SCAI: variants seen among roughly 807,000 people sequenced by gnomAD.
The protein encoded by SCAI is protein SCAI.
A neutral mutation model predicts 92.2 loss-of-function variants in SCAI; 24 were observed. The ratio of observed to expected loss-of-function variants is 0.26; its 90% CI spans 0.19 to 0.37. The LOEUF (loss-of-function observed/expected upper bound fraction) is 0.37, where lower values mean the gene tolerates loss of function less well. SCAI is among the 10% of genes least tolerant of loss of function. SCAI has a pLI of 1.00. For synonymous variants in SCAI, 261 were observed against 258.6 expected (o/e 1.01, Z -0.09); for missense variants, 450 against 736.2 (o/e 0.61, Z 4.50).
At chr9:125,109,166 C>T (rs922529155) in intron 2 of SCAI, among the ~76,000 whole-genome samples, 7 of 152,202 alleles carry the variant, frequency 4.6e-5, no homozygotes, top group African/African-American at 1.7e-4. Flanking sequence ...GCAGCATGCT[C>T]GTTAAGAGTC....
In SCAI at chr9:125,028,069, C is replaced by T. The variant is rs554314742; in HGVS notation, c.413+323G>A. ...ATATACAAGTTATAATACAATGCTA[C>T]ACATTATTAAGACAAGTGAAGCTGC... is the stretch of plus-strand genomic sequence containing the variant. On this transcript the variant is annotated intron_variant, in intron 5 of 17. Coordinates refer to ENST00000336505, the MANE Select transcript of SCAI (RefSeq NM_001144877.3). 3.9e-5 allele frequency among the ~76,000 whole-genome samples: 6 copies of T among 152,308 alleles called. No individual in the cohort carries two copies. The South Asian group carries it at 6.2e-4, about 16-fold the overall frequency.
intron 2 of SCAI, among the ~76,000 whole-genome samples, chr9:125,140,119 G>A (rs1835631243): frequency 1.3e-5 from 2 of 152,166 alleles, no homozygotes; most frequent in Non-Finnish European, 2.9e-5. Context: ...TACTTGGGAG[G>A]CTGAGGTGGA....
chr9:125,024,571 G>A (rs532775671), intron 6 of SCAI, among the ~76,000 whole-genome samples: 8 of 152,158 alleles, frequency 5.3e-5, no homozygotes, highest in African/African-American at 1.4e-4. Flanking sequence ...CACTGTACCC[G>A]GCCATTTTTT....
At chr9:125,015,235 A>C (rs547166876) in intron 9 of SCAI, among the ~76,000 whole-genome samples, 12 of 152,298 alleles carry the variant, frequency 7.9e-5, no homozygotes, top group Middle Eastern at 3.4e-3. Flanking sequence ...TACCATCAGA[A>C]TGAACAGGCA....
chr9:125,015,652 C>T (rs1832742509), intron 9 of SCAI, among the ~76,000 whole-genome samples: 1 of 152,084 alleles, frequency 6.6e-6, no homozygotes, highest in African/African-American at 2.4e-5. Context: ...ACTAGAAATA[C>T]CATTTGACCC....
intron 2 of SCAI, among the ~76,000 whole-genome samples, chr9:125,106,095 T>TCA (rs1363038439): frequency 6.8e-4 from 6 of 8,778 alleles, no homozygotes; most frequent in African/African-American, 2.9e-3. Context: ...AGACTCCATC[T>TCA]CAAAAAAAAA....
At chr9:125,005,052 G>A (rs1049806313) in intron 9 of SCAI, among the ~76,000 whole-genome samples, 2 of 150,274 alleles carry the variant, frequency 1.3e-5, no homozygotes, top group Non-Finnish European at 3.0e-5. Flanking sequence ...CCTCCCAAAG[G>A]GCTGGGATCA....
Position 125,142,642 on chromosome 9 carries a change from C to A in SCAI, c.89G>T (p.Arg30Leu). The A allele has an allele frequency of 3.7e-6, 6 of 1,613,848 alleles. No individual in the cohort carries two copies. Among genetic ancestry groups the A allele is most frequent in the Non-Finnish European group, 5.1e-6 (6 of 1,179,784 alleles). The change falls in exon 2 of 18, where the codon CGG (arginine) becomes CTG (leucine). Residue 30 changes from arginine to leucine, a missense_variant. Physicochemically the swap from Arg to Leu is moderately radical, Grantham distance 102. Transcript: ENST00000336505. ...TGTVEKPPRK[R>L]RSRTEFALKE... Reference sequence around the variant, plus strand: ...GAAGGCACTGCCTTACCTGCTTCTCCGTTTTCGAGGCGGTTTCTCCACTGT... The same window carrying A: ...GAAGGCACTGCCTTACCTGCTTCTCAGTTTTCGAGGCGGTTTCTCCACTGT...
chr9:125,026,440 T>C lies in SCAI; in HGVS notation c.512+372A>G, dbSNP rs530024553. On this transcript the variant is annotated intron_variant, in intron 6 of 17. Transcript: ENST00000336505. ...GCATTAACAGACTATTCCCTGGTCCTACATGACAGTTGTCACCAGGCTTTT... is the reference window on the plus strand; with the variant it reads ...GCATTAACAGACTATTCCCTGGTCCCACATGACAGTTGTCACCAGGCTTTT... Among the ~76,000 whole-genome samples, 5 of 151,818 alleles carry C rather than the reference T, an allele frequency of 3.3e-5. No homozygotes were observed. The East Asian group carries it at 9.7e-4, about 29-fold the overall frequency.
intron 14 of SCAI, among the ~76,000 whole-genome samples, chr9:124,991,386 G>A (rs1314429951): frequency 2.9e-5 from 4 of 138,828 alleles, no homozygotes; most frequent in Admixed American, 7.6e-5. Flanking sequence ...AAATTAACGA[G>A]TAATATTTAA....
At chr9:125,137,373 T>G (rs1287687151) in intron 2 of SCAI, among the ~76,000 whole-genome samples, 1 of 152,208 alleles carries the variant, frequency 6.6e-6, no homozygotes, top group Non-Finnish European at 1.5e-5. Context: ...CTAAAGGATT[T>G]GTTCACTCAA....
At chr9:124,965,056 T>G (rs1255394657) in intron 17 of SCAI, among the ~76,000 whole-genome samples, 1 of 152,030 alleles carries the variant, frequency 6.6e-6, no homozygotes, top group East Asian at 1.9e-4. Flanking sequence ...TGCTGCCTCT[T>G]GGTTGGCAGA....
chr9:125,057,899 G>C (rs1332682090), intron 2 of SCAI, among the ~76,000 whole-genome samples: 1 of 152,086 alleles, frequency 6.6e-6, no homozygotes, highest in Admixed American at 6.5e-5. Context: ...TTTGAGACCT[G>C]CCTGGGCAAT....
rs189392137 is a variant in SCAI, at chr9:125,122,542, T to C, written c.98+20091A>G. 2.8e-5 allele frequency among the ~76,000 whole-genome samples: 4 copies of C among 144,302 alleles called. No individual in the cohort carries two copies. In the East Asian group the frequency reaches 6.1e-4, roughly 22 times the overall value. 94.7% of individuals were successfully genotyped at this position (144,302 alleles called of 152,430 possible). A position where few individuals can be genotyped will look rare whatever the true frequency, so the allele number is the denominator to read the frequency against. The stretch of plus-strand genomic sequence containing the variant: ...AGGCAGAGGTTGCAGTGAACCAAGA[T>C]TGCGCTACTGCACTCCAGCCTGGGC... On this transcript the variant is annotated intron_variant, in intron 2 of 17. Transcript: ENST00000336505.
At chr9:125,030,084 T>A (rs1170011059) in intron 3 of SCAI, among the ~76,000 whole-genome samples, 1 of 152,244 alleles carries the variant, frequency 6.6e-6, no homozygotes. Context: ...AGAACTCAGC[T>A]GAATGTTTGA....
chr9:125,095,067 T>C (rs1377622730), intron 2 of SCAI, among the ~76,000 whole-genome samples: 2 of 152,096 alleles, frequency 1.3e-5, no homozygotes, highest in African/African-American at 4.8e-5. Context: ...TTGCTGGGAG[T>C]ACTGTCAGCT....
At chr9:125,010,728 C>T (rs1832617673) in intron 9 of SCAI, among the ~76,000 whole-genome samples, 1 of 152,198 alleles carries the variant, frequency 6.6e-6, no homozygotes, top group South Asian at 2.1e-4. Context: ...CAGACTGCCT[C>T]CTCAAGTGGG....
chr9:125,020,469 G>A (rs140795745), intron 7 of SCAI, among the ~76,000 whole-genome samples: 53 of 152,268 alleles, frequency 3.5e-4, no homozygotes, highest in African/African-American at 1.1e-3. Context: ...AAGGAATCAA[G>A]ATAATTATCT....
chr9:125,082,118 G>A (rs1184239367), intron 2 of SCAI, among the ~76,000 whole-genome samples: 1 of 152,126 alleles, frequency 6.6e-6, no homozygotes, highest in East Asian at 1.9e-4. Flanking sequence ...TGGTTTTGTG[G>A]GCCAGGCCCA....
Sources: gnomAD v4.1 joint callset for allele counts (sites outside exome capture counted in the v4.1 genomes callset) on GRCh38, gnomAD v4.1.1 for gene constraint, MANE v1.5 for transcripts, NCBI Gene and HGNC (gene_info 2026-07-23, HGNC 2026-07-21) for gene names.